ITFG1: variants seen among roughly 807,000 people sequenced by gnomAD.
ITFG1 encodes T-cell immunomodulatory protein.
Under a neutral mutation model 81.8 loss-of-function variants are expected in ITFG1, and 34 were observed. The ratio of observed to expected loss-of-function variants is 0.42; its 90% CI spans 0.32 to 0.55. The LOEUF is 0.55. Among genes scored for constraint, ITFG1 ranks in the 20% least tolerant of loss-of-function variants. ITFG1 has a pLI of 0.17. For missense variants in ITFG1, 672 were observed against 755.4 expected (o/e 0.89, Z 1.29); for synonymous variants, 285 against 270.6 (o/e 1.05, Z -0.52).
At chr16:47,258,765 T>C (rs761635241) in intron 11 of ITFG1, 25 bp from the exon 12 acceptor site, 2 of 1,149,968 alleles carry the variant, frequency 1.7e-6, no homozygotes, top group Non-Finnish European at 1.2e-6. Flanking sequence ...ACAAAAATGG[T>C]AAGAACAAAC....
intron 6 of ITFG1, among the ~76,000 whole-genome samples, chr16:47,405,190 G>T (rs1968712867): frequency 6.6e-6 from 1 of 152,086 alleles, no homozygotes; most frequent in East Asian, 1.9e-4. Flanking sequence ...TTTCTTGTAT[G>T]TAGAGAATAC....
intron 6 of ITFG1, among the ~76,000 whole-genome samples, chr16:47,405,502 C>T (rs1417930043): frequency 6.6e-6 from 1 of 152,136 alleles, no homozygotes; most frequent in African/African-American, 2.4e-5. Context: ...CCAATGAAAA[C>T]GTACATGTGC....
At chr16:47,441,091 A>C (rs1307010350) in intron 5 of ITFG1, among the ~76,000 whole-genome samples, 1 of 152,160 alleles carries the variant, frequency 6.6e-6, no homozygotes, top group African/African-American at 2.4e-5. Flanking sequence ...GAAATGGATA[A>C]ATTCCTCGAC....
chr16:47,211,188 T>A (rs894051834), intron 14 of ITFG1, among the ~76,000 whole-genome samples: 7 of 152,252 alleles, frequency 4.6e-5, no homozygotes. Flanking sequence ...TTTAGACGAC[T>A]GATTTCTCTC....
intron 8 of ITFG1, among the ~76,000 whole-genome samples, chr16:47,364,370 A>G (rs1025541654): frequency 6.6e-6 from 1 of 152,206 alleles, no homozygotes; most frequent in South Asian, 2.1e-4. Flanking sequence ...AGCTACTAAT[A>G]ATTTTGTTAA....
chr16:47,243,816 G>C lies in ITFG1; in HGVS notation c.1331-5808C>G, dbSNP rs1039750585. Among the ~76,000 whole-genome samples the C allele has an allele frequency of 3.9e-5, 6 of 152,180 alleles. No individual in the cohort carries two copies. The South Asian group carries it at 1.2e-3, about 31-fold the overall frequency. ...AGCACTATGGGAGGCCAAGGTGGGT[G>C]GATTAGGAATTCGAGACCAGCCTGG... On this transcript the variant is annotated intron_variant, in intron 12 of 17. Coordinates refer to ENST00000320640, the MANE Select transcript of ITFG1 (RefSeq NM_030790.5).
chr16:47,268,871 T>C (rs1966306913), intron 10 of ITFG1, among the ~76,000 whole-genome samples: 1 of 152,204 alleles, frequency 6.6e-6, no homozygotes, highest in African/African-American at 2.4e-5. Flanking sequence ...AATAAATCAG[T>C]GTAATTCATT....
intron 12 of ITFG1, among the ~76,000 whole-genome samples, chr16:47,258,054 A>AT (rs1214800229): frequency 1.3e-5 from 2 of 152,210 alleles, no homozygotes; most frequent in East Asian, 3.8e-4. Flanking sequence ...ATATCAGAAT[A>AT]TTGCCCCCCA....
At chr16:47,155,900 T>G in intron 17 of ITFG1, 122 bp from the exon 18 acceptor site, 1 of 648,192 alleles carries the variant, frequency 1.5e-6, no homozygotes, top group Non-Finnish European at 2.6e-6. Context: ...ATAGATATGA[T>G]TTCCTAATTC....
intron 14 of ITFG1, among the ~76,000 whole-genome samples, chr16:47,186,709 G>A (rs1965222827): frequency 6.6e-6 from 1 of 152,200 alleles, no homozygotes; most frequent in South Asian, 2.1e-4. Context: ...ACAAGACAGG[G>A]ATGCCCTCTC....
At chr16:47,281,282 CTAATTTGTTGTTGGGT>C (rs1229509552) in intron 10 of ITFG1, among the ~76,000 whole-genome samples, 3 of 152,100 alleles carry the variant, frequency 2.0e-5, no homozygotes, top group African/African-American at 7.2e-5. Context: ...ATTCAATGTG[CTAATTTGTTGTTGGGT>C]AATTTTTCAT....
At chr16:47,230,623 T>C (rs1287031114) in intron 13 of ITFG1, among the ~76,000 whole-genome samples, 1 of 152,148 alleles carries the variant, frequency 6.6e-6, no homozygotes, top group Admixed American at 6.5e-5. Flanking sequence ...ATAAGGTTCC[T>C]GGAGAGGAGG....
chr16:47,371,223 C>T (rs187817006), intron 7 of ITFG1, among the ~76,000 whole-genome samples: 2 of 152,294 alleles, frequency 1.3e-5, no homozygotes, highest in Admixed American at 1.3e-4. Context: ...GTTTGCTAGC[C>T]ATGAGGCAGG....
chr16:47,338,700 G>T (rs992982118), intron 8 of ITFG1, among the ~76,000 whole-genome samples: 4 of 151,290 alleles, frequency 2.6e-5, no homozygotes, highest in African/African-American at 4.9e-5. Flanking sequence ...TACATAGAAG[G>T]TGTATACATT....
chr16:47,260,137 CTG>C (rs757104484), intron 11 of ITFG1, among the ~76,000 whole-genome samples: 2 of 151,968 alleles, frequency 1.3e-5, no homozygotes, highest in Non-Finnish European at 2.9e-5. Context: ...CGGGGTTTCT[CTG>C]TGTTAGCCAG....
rs114970076 is a variant in ITFG1, at chr16:47,372,872, A to G, written c.720+3004T>C. On this transcript the variant is annotated intron_variant, in intron 7 of 17. Coordinates refer to ENST00000320640, the MANE Select transcript of ITFG1 (RefSeq NM_030790.5). ...CCAACATTTCCTTCTTTAATCATTC[A>G]TCTCTTTCCCAGGTTATTATAAATT... 3.3e-3 allele frequency among the ~76,000 whole-genome samples: 495 copies of G among 152,182 alleles called. 3 individuals carry two copies. Among genetic ancestry groups the G allele is most frequent in the African/African-American group, 0.011 (467 of 41,514 alleles).
At chr16:47,173,866 C>T (rs927895119) in intron 14 of ITFG1, among the ~76,000 whole-genome samples, 2 of 152,090 alleles carry the variant, frequency 1.3e-5, no homozygotes, top group South Asian at 2.1e-4. Flanking sequence ...CATGGTGGAA[C>T]GCCACCTCTA....
Position 47,158,978 on chromosome 16 carries a change from T to C in ITFG1, c.1674A>G (p.Lys558=), listed in dbSNP as rs971810850. Residue 558 remains lysine, a synonymous_variant, in exon 17 of 18, where the codon AAA becomes AAG. Coordinates refer to ENST00000320640, the MANE Select transcript of ITFG1 (RefSeq NM_030790.5). ...CAATATTACTTGGTGTAAGATACAG[T>C]TTGGCACTCCAACTGTAGATAAAAA... ...PHNVPRSWSA[K]LYLTPSNIVL... The C allele has an allele frequency of 1.3e-6, 2 of 1,515,458 alleles. No individual in the cohort carries two copies. Among genetic ancestry groups the C allele is most frequent in the Non-Finnish European group, 1.8e-6 (2 of 1,120,336 alleles). 93.9% of individuals were successfully genotyped at this position (1,515,458 alleles called of 1,614,324 possible).
chr16:47,349,252 AGGCAC>A (rs1967911234), intron 8 of ITFG1, among the ~76,000 whole-genome samples: 2 of 152,320 alleles, frequency 1.3e-5, no homozygotes, highest in South Asian at 4.1e-4. Context: ...TCCAATTAAA[AGGCAC>A]GGACTGGCAA....
Sources: gnomAD v4.1 joint callset for allele counts (sites outside exome capture counted in the v4.1 genomes callset) on GRCh38, gnomAD v4.1.1 for gene constraint, MANE v1.5 for transcripts, NCBI Gene and HGNC (gene_info 2026-07-23, HGNC 2026-07-21) for gene names.